Variants in PVT1 observed in about 807,000 individuals in gnomAD.
PVT1 encodes Pvt1 oncogene.
intron 3 of PVT1, among the ~76,000 whole-genome samples, chr8:127,955,289 C>G (rs1005539841): frequency 2.0e-5 from 3 of 152,150 alleles, no homozygotes; most frequent in African/African-American, 7.2e-5. Context: ...ACCCAACTGC[C>G]AACACCTTCA....
rs1378361552 is a variant in PVT1, at chr8:127,898,505, G to A, written n.782+7507G>A. Reference sequence around the variant, plus strand: ...GGAAAAGGCTTTGGAGACCAAGCTAGGCAGGGAAGCGCCTTTGCTTATCAT... The same window carrying A: ...GGAAAAGGCTTTGGAGACCAAGCTAAGCAGGGAAGCGCCTTTGCTTATCAT... On this transcript the variant is annotated intron_variant and non_coding_transcript_variant, in intron 3 of 10. Transcript: ENST00000651587. This position sits in a 1 kb window ranked among gnomAD's most constrained non-coding sequence, Gnocchi z 4.4. Among the ~76,000 whole-genome samples the A allele has an allele frequency of 6.6e-6, 1 of 152,170 alleles. No homozygotes were observed. The highest frequency in any genetic ancestry group is 1.5e-5 in the Non-Finnish European group (1 of 68,036).
chr8:128,056,500 G>A (rs185135730), intron 4 of PVT1, among the ~76,000 whole-genome samples: 112 of 152,230 alleles, frequency 7.4e-4, no homozygotes, highest in African/African-American at 2.6e-3. Flanking sequence ...ACATATGTTT[G>A]CAGCCTGTAC....
At chr8:127,885,220 G>A (rs1815509941) in intron 2 of PVT1, among the ~76,000 whole-genome samples, 1 of 152,152 alleles carries the variant, frequency 6.6e-6, no homozygotes, top group African/African-American at 2.4e-5. Flanking sequence ...AGTCACTGCT[G>A]TGGGGTGACT....
chr8:127,823,013 T>C (rs1234635698), intron 2 of PVT1, among the ~76,000 whole-genome samples: 1 of 152,214 alleles, frequency 6.6e-6, no homozygotes, highest in Non-Finnish European at 1.5e-5. Context: ...CAAGAGTCTT[T>C]GGCAAGAAGA....
At chr8:127,832,668 C>G (rs1350798805) in intron 2 of PVT1, among the ~76,000 whole-genome samples, 1 of 152,134 alleles carries the variant, frequency 6.6e-6, no homozygotes, top group Non-Finnish European at 1.5e-5. Context: ...ACCATCCTGG[C>G]TAACATGGTG....
intron 4 of PVT1, among the ~76,000 whole-genome samples, chr8:128,062,599 A>T (rs1813844934): frequency 6.6e-6 from 1 of 152,258 alleles, no homozygotes; most frequent in African/African-American, 2.4e-5. Flanking sequence ...TTTCTAAAAT[A>T]GTATCATGTC....
intron 4 of PVT1, among the ~76,000 whole-genome samples, chr8:128,064,931 T>C (rs1813883707): frequency 6.6e-6 from 1 of 152,226 alleles, no homozygotes; most frequent in Non-Finnish European, 1.5e-5. Flanking sequence ...TGTCACCCCA[T>C]GGACCCTGCT....
intron 4 of PVT1, among the ~76,000 whole-genome samples, chr8:128,050,031 T>G (rs958511166): frequency 1.3e-5 from 2 of 151,946 alleles, no homozygotes; most frequent in Non-Finnish European, 2.9e-5. Context: ...AACTATAGCC[T>G]CCATTGGAGA....
intron 2 of PVT1, among the ~76,000 whole-genome samples, chr8:127,810,889 G>A (rs983587903): frequency 6.6e-6 from 1 of 151,998 alleles, no homozygotes; most frequent in African/African-American, 2.4e-5. Context: ...TGAGTGTGTC[G>A]TTCCTGCTTG....
intron 5 of PVT1, among the ~76,000 whole-genome samples, chr8:128,076,913 C>T (rs1814098182): frequency 6.6e-6 from 1 of 152,226 alleles, no homozygotes; most frequent in African/African-American, 2.4e-5. Flanking sequence ...AGAGAAGGTG[C>T]TGAGCTGCCA....
chr8:128,089,828 C>T (rs1481041808), intron 5 of PVT1, among the ~76,000 whole-genome samples: 1 of 152,172 alleles, frequency 6.6e-6, no homozygotes, highest in Non-Finnish European at 1.5e-5. Flanking sequence ...ATCTATAAGC[C>T]TATTAGAAAC....
rs188930510 is a variant in PVT1 at position 127,904,310 on chromosome 8, A to G, written n.782+13312A>G. On this transcript the variant is annotated intron_variant and non_coding_transcript_variant, in intron 3 of 10. Transcript: ENST00000651587. ...TACCCTCTTTTATTATTGGGTACTA[A>G]GGATTTAAGGATATTTTTGTTCTGG... Among the ~76,000 whole-genome samples, 49 of 120,210 alleles carry G rather than the reference A, an allele frequency of 4.1e-4. No individual in the cohort carries two copies. In the East Asian group the frequency reaches 0.011, roughly 26 times the overall value. The allele number at this position is 120,210 out of a possible 152,430, so 78.9% of individuals were successfully genotyped here.
chr8:127,907,951 G>C (rs16902460), intron 3 of PVT1, among the ~76,000 whole-genome samples: 1 of 152,220 alleles, frequency 6.6e-6, no homozygotes, highest in East Asian at 1.9e-4. Flanking sequence ...TCCAAGCAGC[G>C]AACAAGAGGC....
intron 6 of PVT1, chr8:128,099,993 T>C (rs148862522): frequency 3.4e-4 from 52 of 152,312 alleles, no homozygotes; most frequent in African/African-American, 1.2e-3. Flanking sequence ...TGTTCATTGA[T>C]TGATGGCTGT....
chr8:127,840,211 C>T (rs141613979), intron 2 of PVT1, among the ~76,000 whole-genome samples: 3 of 152,306 alleles, frequency 2.0e-5, no homozygotes, highest in Admixed American at 1.3e-4. Flanking sequence ...GTGTGCATCA[C>T]GGCCACTGCC....
rs114678339 is a variant in PVT1, at chr8:127,909,826, A to G, written n.782+18828A>G. On this transcript the variant is annotated intron_variant and non_coding_transcript_variant, in intron 3 of 10. Coordinates refer to ENST00000651587, the Ensembl canonical transcript of PVT1. The stretch of plus-strand genomic sequence containing the variant: ...GACCTGGGACTTCTTTCTGAGAGGC[A>G]GTGACCAGCCAACTGGAGTGGAGGG... Among the ~76,000 whole-genome samples, 916 of 152,178 alleles carry G rather than the reference A, an allele frequency of 6.0e-3. 19 individuals are homozygous for G. The highest frequency in any genetic ancestry group is 0.021 in the African/African-American group (871 of 41,478).
chr8:127,809,173 T>C (rs987663743), intron 2 of PVT1, among the ~76,000 whole-genome samples: 2 of 151,956 alleles, frequency 1.3e-5, no homozygotes, highest in African/African-American at 4.8e-5. Flanking sequence ...CTGTGGGTGA[T>C]AGGGAACTAT....
At chr8:127,902,262 C>T (rs184610413) in intron 3 of PVT1, among the ~76,000 whole-genome samples, 3 of 152,218 alleles carry the variant, frequency 2.0e-5, no homozygotes, top group Admixed American at 2.0e-4. Context: ...GTTCACCCTA[C>T]CTGTGAATTG....
chr8:128,087,783 C>T (rs1347391868), intron 5 of PVT1, among the ~76,000 whole-genome samples: 2 of 115,424 alleles, frequency 1.7e-5, no homozygotes, highest in African/African-American at 7.1e-5. Flanking sequence ...GATGGAGTCT[C>T]GTTCTGTCTC....
Sources: gnomAD v4.1 joint callset for allele counts (sites outside exome capture counted in the v4.1 genomes callset) on GRCh38, gnomAD v4.1.1 for gene constraint, Gnocchi (gnomAD v3.1) non-coding constraint, MANE v1.5 for transcripts, NCBI Gene and HGNC (gene_info 2026-07-23, HGNC 2026-07-21) for gene names.